The following CTNND2 variants were observed in gnomAD, a reference collection of about 807,000 sequenced individuals.
CTNND2 encodes catenin delta 2.
CTNND2 carries 22 observed loss-of-function variants against 144.4 expected under a neutral mutation model. The ratio of observed to expected loss-of-function variants is 0.15; its 90% CI spans 0.11 to 0.22. The LOEUF (loss-of-function observed/expected upper bound fraction) is 0.22, where lower values mean the gene tolerates loss of function less well. CTNND2 is among the 10% of genes least tolerant of loss of function. CTNND2 has a pLI of 1.00. For missense variants in CTNND2, 1,353 were observed against 1,618.8 expected (o/e 0.84, Z 2.82); for synonymous variants, 751 against 695.6 (o/e 1.08, Z -1.25).
intron 3 of CTNND2, among the ~76,000 whole-genome samples, chr5:11,485,880 A>G (rs1238017746): frequency 6.6e-6 from 1 of 152,222 alleles, no homozygotes; most frequent in African/African-American, 2.4e-5. Flanking sequence ...GCAAAAGGCA[A>G]AAGTTATAAA....
Position 11,581,503 on chromosome 5 carries a change from T to C in CTNND2, c.175-16447A>G, listed in dbSNP as rs533595997. On this transcript the variant is annotated intron_variant, in intron 2 of 21. Transcript: ENST00000304623. Reference sequence around the variant, plus strand: ...CCAAAGGGATATATAAACATATGTCTACTATATGTCATCAACATACACAGA... The same window carrying C: ...CCAAAGGGATATATAAACATATGTCCACTATATGTCATCAACATACACAGA... Among the ~76,000 whole-genome samples the C allele has an allele frequency of 8.5e-5, 13 of 152,344 alleles. No individual in the cohort carries two copies. The South Asian group carries it at 2.7e-3, about 32-fold the overall frequency.
chr5:11,064,925 C>T (rs760853173), intron 16 of CTNND2, among the ~76,000 whole-genome samples: 4 of 152,192 alleles, frequency 2.6e-5, no homozygotes, highest in Non-Finnish European at 5.9e-5. Context: ...TCAAGCTGGT[C>T]GCTCAGCTTC....
intron 2 of CTNND2, among the ~76,000 whole-genome samples, chr5:11,627,742 T>C (rs1265715262): frequency 1.3e-5 from 2 of 151,360 alleles, no homozygotes; most frequent in African/African-American, 4.9e-5. Context: ...GTGTTACATT[T>C]ATTGTGCACT....
chr5:11,421,095 GACCTCTGAAGA>G (rs1031012619), intron 3 of CTNND2, among the ~76,000 whole-genome samples: 1 of 152,056 alleles, frequency 6.6e-6, no homozygotes, highest in African/African-American at 2.4e-5. Flanking sequence ...CAGCTCGTCT[GACCTCTGAAGA>G]ACCTCTAACT....
chr5:11,237,358 T>C (rs1380649864), intron 9 of CTNND2, among the ~76,000 whole-genome samples: 1 of 152,158 alleles, frequency 6.6e-6, no homozygotes, highest in East Asian at 1.9e-4. Flanking sequence ...ATACTACATA[T>C]ATTGGTTTTA....
intron 2 of CTNND2, among the ~76,000 whole-genome samples, chr5:11,649,722 G>T (rs111753524): frequency 6.6e-6 from 1 of 152,080 alleles, no homozygotes; most frequent in South Asian, 2.1e-4. Flanking sequence ...CAATATTGCG[G>T]TTACTGTTTT....
chr5:11,824,105 A>G (rs1793473192), intron 1 of CTNND2, among the ~76,000 whole-genome samples: 1 of 151,816 alleles, frequency 6.6e-6, no homozygotes, highest in South Asian at 2.1e-4. Context: ...AAAAAAAAAA[A>G]AAAAAAAACC....
chr5:11,853,107 C>T (rs890723525), intron 1 of CTNND2, among the ~76,000 whole-genome samples: 1 of 152,162 alleles, frequency 6.6e-6, no homozygotes, highest in Non-Finnish European at 1.5e-5. Context: ...GATTGCTCCC[C>T]AACTTCTCAC....
At position 11,289,092 on chromosome 5, in the gene CTNND2, C is replaced by A. The variant is rs80013531; in HGVS notation, c.1629-52269G>T. Among the ~76,000 whole-genome samples, 6 of 152,170 alleles carry A rather than the reference C, an allele frequency of 3.9e-5. No individual in the cohort carries two copies. In the East Asian group the frequency reaches 5.8e-4, roughly 15 times the overall value. On this transcript the variant is annotated intron_variant, in intron 9 of 21. Transcript: ENST00000304623. ...GCCTTTTGCAGCCTGCCATCCCCCC[C>A]GCCTGTGCTCCCAGGCCACTATCTG...
Position 11,848,027 on chromosome 5 carries a change from A to G in CTNND2, c.37+55790T>C, listed in dbSNP as rs569938039. 5.9e-5 allele frequency among the ~76,000 whole-genome samples: 9 copies of G among 152,208 alleles called. No homozygotes were observed. In the East Asian group the frequency reaches 1.4e-3, roughly 23 times the overall value. On this transcript the variant is annotated intron_variant, in intron 1 of 21. Transcript: ENST00000304623. Reference sequence around the variant, plus strand: ...TATTTTAATATATTTTAAAATATCAATGAGAATCCTAAATTCCTATAGTAA... The same window carrying G: ...TATTTTAATATATTTTAAAATATCAGTGAGAATCCTAAATTCCTATAGTAA...
Position 11,240,858 on chromosome 5 carries a change from C to G in CTNND2, c.1629-4035G>C, listed in dbSNP as rs1319247405. Among the ~76,000 whole-genome samples the G allele has an allele frequency of 2.1e-5, 3 of 143,318 alleles. No individual in the cohort carries two copies. In the South Asian group the frequency reaches 7.1e-4, roughly 34 times the overall value. The allele number at this position is 143,318 out of a possible 152,430, so 94.0% of individuals were successfully genotyped here. A position where few individuals can be genotyped will look rare whatever the true frequency, so the allele number is the denominator to read the frequency against. ...CCCCCCAACACACACCCAACACATA[C>G]ACTCAGCACACACACCCCAACCCAC... On this transcript the variant is annotated intron_variant, in intron 9 of 21. Transcript: ENST00000304623.
chr5:11,828,679 C>A (rs1314967109), intron 1 of CTNND2, among the ~76,000 whole-genome samples: 4 of 152,280 alleles, frequency 2.6e-5, no homozygotes, highest in East Asian at 3.9e-4. Context: ...TTCCATTAAA[C>A]CTTTTTCTTG....
At chr5:11,595,176 G>C (rs1779442129) in intron 2 of CTNND2, among the ~76,000 whole-genome samples, 2 of 152,266 alleles carry the variant, frequency 1.3e-5, no homozygotes, top group South Asian at 4.1e-4. Context: ...GATTGCAGGA[G>C]GTGGTAAGGA....
intron 3 of CTNND2, among the ~76,000 whole-genome samples, chr5:11,509,416 A>T (rs2150022560): frequency 6.6e-6 from 1 of 152,224 alleles, no homozygotes; most frequent in South Asian, 2.1e-4. Flanking sequence ...TCCAGTTCAA[A>T]ACAGCTTTAT....
chr5:11,458,493 GACCC>G (rs1765923644), intron 3 of CTNND2, among the ~76,000 whole-genome samples: 1 of 152,176 alleles, frequency 6.6e-6, no homozygotes, highest in South Asian at 2.1e-4. Context: ...CTTTCAGGTG[GACCC>G]TTGAGGATGT....
chr5:11,501,625 C>T (rs539434404), intron 3 of CTNND2, among the ~76,000 whole-genome samples: 18 of 152,142 alleles, frequency 1.2e-4, no homozygotes, highest in Non-Finnish European at 2.4e-4. Context: ...AAACCCTAAT[C>T]CCAATGTGAC....
At chr5:10,996,627 T>A (rs1416312704) in intron 18 of CTNND2, among the ~76,000 whole-genome samples, 1 of 151,978 alleles carries the variant, frequency 6.6e-6, no homozygotes, top group East Asian at 1.9e-4. Flanking sequence ...TGAGACAGAG[T>A]CTCGCTCTGT....
intron 1 of CTNND2, among the ~76,000 whole-genome samples, chr5:11,883,795 C>T (rs890175389): frequency 6.6e-6 from 1 of 152,196 alleles, no homozygotes; most frequent in Non-Finnish European, 1.5e-5. Context: ...ACACTCCCAA[C>T]AACAGTGTAA....
intron 3 of CTNND2, among the ~76,000 whole-genome samples, chr5:11,424,474 C>T (rs1294260757): frequency 7.1e-6 from 1 of 140,652 alleles, no homozygotes; most frequent in Non-Finnish European, 1.5e-5. Flanking sequence ...CACACACATA[C>T]ACATACACAC....
Sources: allele counts gnomAD v4.1 joint callset (sites outside exome capture counted in the v4.1 genomes callset), GRCh38; gene constraint gnomAD v4.1.1; transcripts MANE v1.5; gene names NCBI Gene and HGNC (gene_info 2026-07-23, HGNC 2026-07-21).